The following NLRP9 variants were observed in gnomAD, a reference collection of about 807,000 sequenced individuals.
The protein encoded by NLRP9 is NACHT, LRR and PYD domains-containing protein 9.
Under a neutral mutation model 83.1 loss-of-function variants are expected in NLRP9, and 88 were observed. The ratio of observed to expected loss-of-function variants is 1.06; its 90% CI spans 0.89 to 1.26. The LOEUF is 1.26. Ranked by LOEUF, NLRP9 falls within the 50% of genes most tolerant of loss-of-function variation. NLRP9 has a pLI of 0.00. For missense variants in NLRP9, 1,308 were observed against 1,179.3 expected (o/e 1.11, Z -1.60); for synonymous variants, 521 against 447.6 (o/e 1.16, Z -2.07).
At chr19:55,718,645 AC>A (rs766645616) in intron 4 of NLRP9, among the ~76,000 whole-genome samples, 14 of 152,048 alleles carry the variant, frequency 9.2e-5, no homozygotes, top group East Asian at 1.9e-4. Flanking sequence ...TTCTCTGCTG[AC>A]CCTCTCCCCA....
At chr19:55,712,843 G>A (rs865919812) in intron 6 of NLRP9, among the ~76,000 whole-genome samples, 2 of 4,240 alleles carry the variant, frequency 4.7e-4, no homozygotes, top group Non-Finnish European at 4.4e-4. Context: ...GAAGAGGGGA[G>A]GAAGAGGAGT....
At chr19:55,711,022 G>A (rs745980891) in intron 8 of NLRP9, among the ~76,000 whole-genome samples, 91 of 151,378 alleles carry the variant, frequency 6.0e-4, no homozygotes, top group Non-Finnish European at 1.2e-3. Flanking sequence ...GGAGGCAGGG[G>A]TTGAAGTGAG....
intron 3 of NLRP9, among the ~76,000 whole-genome samples, chr19:55,726,136 C>T (rs1203257341): frequency 2.6e-5 from 4 of 152,130 alleles, no homozygotes; most frequent in African/African-American, 9.7e-5. Flanking sequence ...AGCCACCACA[C>T]CACATTCATG....
intron 3 of NLRP9, among the ~76,000 whole-genome samples, chr19:55,729,519 AATG>A (rs556604326): frequency 4.0e-4 from 61 of 152,160 alleles, no homozygotes; most frequent in Middle Eastern, 6.8e-3. Context: ...GTTTGCTGAG[AATG>A]ATGGTTTCCA....
intron 8 of NLRP9, among the ~76,000 whole-genome samples, chr19:55,710,658 C>T (rs562599090): frequency 1.3e-5 from 2 of 152,242 alleles, no homozygotes; most frequent in South Asian, 4.2e-4. Flanking sequence ...CTCCCGCCAC[C>T]AAAGACGTGC....
chr19:55,711,881 T>A lies in NLRP9; in HGVS notation c.2762A>T (p.Asp921Val), dbSNP rs773906832. ...TGCATCAGCATCCAAGGCAATCCAG[T>A]CGAGGTTCAGGCTCCTCAGTGTTTT... ...ACKTLRSLNL[D>V]WIALDADAVV... The change falls in exon 8 of 9, where the codon GAC becomes GTC. Residue 921 changes from aspartate to valine, a missense_variant. By Grantham distance (152) the Asp-to-Val change is radical. Coordinates refer to ENST00000332836, the MANE Select transcript of NLRP9 (RefSeq NM_176820.4). 3 of 1,613,350 alleles carry A rather than the reference T, an allele frequency of 1.9e-6. No homozygotes were observed. In the Admixed American group the frequency reaches 5.0e-5, roughly 27 times the overall value.
At position 55,733,200 on chromosome 19, in the gene NLRP9, C is replaced by G. The variant is rs150929335; in HGVS notation, c.631G>C (p.Glu211Gln). 5 of 1,613,454 alleles carry G rather than the reference C, an allele frequency of 3.1e-6. No individual in the cohort carries two copies. The African/African-American group carries it at 6.7e-5, about 22-fold the overall frequency. ...LLSRDWPESS[E>Q]KIEDIFSQPE... ...TGGGAAAAAATGTCTTCGATCTTCT[C>G]TGAAGACTCCGGCCAGTCCCTAGAG... The change falls in exon 2 of 9, where the codon GAG (glutamate) becomes CAG (glutamine). Residue 211 changes from glutamate to glutamine, a missense_variant. Physicochemically the swap from Glu to Gln is conservative, Grantham distance 29. Transcript: ENST00000332836.
intron 4 of NLRP9, among the ~76,000 whole-genome samples, chr19:55,723,659 C>G (rs1193979113): frequency 2.1e-5 from 3 of 145,136 alleles, no homozygotes; most frequent in Non-Finnish European, 4.5e-5. Flanking sequence ...ACCCGGGAAG[C>G]TGAGGTTGCA....
At position 55,711,863 on chromosome 19, in the gene NLRP9, G is replaced by A. The variant is rs2122277554; in HGVS notation, c.2780C>T (p.Ala927Val). 4.3e-6 allele frequency: 7 copies of A among 1,613,340 alleles called. No homozygotes were observed. The highest frequency in any genetic ancestry group is 5.9e-6 in the Non-Finnish European group (7 of 1,179,916). ...CTCACACAGCACCACCACTGCATCA[G>A]CATCCAAGGCAATCCAGTCGAGGTT... ...SLNLDWIALD[A>V]DAVVVLCEAL... Residue 927 changes from alanine (A) to valine (V), a missense_variant, in exon 8 of 9, where the codon GCT becomes GTT. Coordinates refer to ENST00000332836, the MANE Select transcript of NLRP9 (RefSeq NM_176820.4).
chr19:55,719,143 C>T (rs1401413807), intron 4 of NLRP9, among the ~76,000 whole-genome samples: 1 of 152,204 alleles, frequency 6.6e-6, no homozygotes, highest in African/African-American at 2.4e-5. Context: ...GGGGGTTCCC[C>T]TGACCCCTTC....
chr19:55,708,669 C>T lies in NLRP9; in HGVS notation c.*243G>A, dbSNP rs1987548756. On this transcript the variant is annotated 3_prime_UTR_variant, in exon 9 of 9. Coordinates refer to ENST00000332836, the MANE Select transcript of NLRP9 (RefSeq NM_176820.4). The stretch of plus-strand genomic sequence containing the variant: ...TTAGCACTTGTTTAACGTACTTGTG[C>T]TTCTAAATATCACAAGGCAGGATGG... 8.7e-6 allele frequency: 3 copies of T among 345,024 alleles called. No homozygotes were observed. Among genetic ancestry groups the T allele is most frequent in the Admixed American group, 4.8e-5 (1 of 20,960 alleles). 21.4% of individuals were successfully genotyped at this position (345,024 alleles called of 1,614,324 possible).
intron 1 of NLRP9, 68 bp downstream of exon 1, chr19:55,738,027 T>C (rs1988830753): frequency 6.8e-7 from 1 of 1,473,556 alleles, no homozygotes; most frequent in South Asian, 1.2e-5. Flanking sequence ...TGGCCACTCA[T>C]TTAACAATGC....
At chr19:55,731,364 A>G (rs1460045856) in intron 2 of NLRP9, among the ~76,000 whole-genome samples, 1 of 144,568 alleles carries the variant, frequency 6.9e-6, no homozygotes, top group Non-Finnish European at 1.5e-5. Flanking sequence ...AAAAATGGTG[A>G]AAAAAAAAAA....
intron 8 of NLRP9, among the ~76,000 whole-genome samples, chr19:55,710,950 G>T (rs1052913185): frequency 6.6e-6 from 1 of 152,054 alleles, no homozygotes; most frequent in African/African-American, 2.4e-5. Flanking sequence ...GCTGAGCATG[G>T]TGGTGAGTGC....
chr19:55,712,418 AC>A lies in NLRP9; in HGVS notation c.2672+1del. Reference sequence around the variant, plus strand: ...CTACGATGGTGATCAGTAGATACTCACCCGAGACACTCTAATTTACAGTGAG... The same window carrying A: ...CTACGATGGTGATCAGTAGATACTCACCGAGACACTCTAATTTACAGTGAG... On this transcript the variant is annotated splice_donor_variant, in intron 7 of 8. Transcript: ENST00000332836. LOFTEE classifies it high-confidence loss of function. 6.2e-7 allele frequency: 1 copy of A among 1,611,046 alleles called. No homozygotes were observed. Among genetic ancestry groups the A allele is most frequent in the Non-Finnish European group, 8.5e-7 (1 of 1,178,570 alleles).
intron 3 of NLRP9, among the ~76,000 whole-genome samples, chr19:55,724,947 C>T (rs908294901): frequency 2.6e-5 from 4 of 151,950 alleles, no homozygotes; most frequent in African/African-American, 9.7e-5. Context: ...TAATCCCAGG[C>T]ACTCAAGAGG....
At position 55,712,013 on chromosome 19, in the gene NLRP9, GT is replaced by G. The variant is rs764820067; in HGVS notation, c.2673-44del. ...ACCAGAGAATCCACTCTAGCTTTGGGTAGGCTGGAAGGCACGCCATTGTTAC... is the reference window on the plus strand; with the variant it reads ...ACCAGAGAATCCACTCTAGCTTTGGGAGGCTGGAAGGCACGCCATTGTTAC... On this transcript the variant is annotated intron_variant, in intron 7 of 8. Transcript: ENST00000332836. 38 of 1,593,374 alleles carry G rather than the reference GT, an allele frequency of 2.4e-5. 1 individual carries two copies. The South Asian group carries it at 3.7e-4, about 15-fold the overall frequency.
chr19:55,736,013 G>C (rs1988776012), intron 1 of NLRP9, among the ~76,000 whole-genome samples: 1 of 151,902 alleles, frequency 6.6e-6, no homozygotes, highest in African/African-American at 2.4e-5. Context: ...TAATTGAATG[G>C]ATTTATCATT....
At position 55,732,581 on chromosome 19, in the gene NLRP9, C is replaced by T. The variant is rs563256174; in HGVS notation, c.1250G>A (p.Arg417Lys). ...TFVFSHGDLR[R>K]NGLSESEGVM... is the part of the protein sequence containing the mutation. ...GCCCTCAGACTCAGATAACCCATTC[C>T]TCCGGAGATCCCCATGGGAAAATAC... The change falls in exon 2 of 9, where the codon AGG (arginine) becomes AAG (lysine). Residue 417 changes from arginine to lysine, a missense_variant. Transcript: ENST00000332836. The T allele has an allele frequency of 8.1e-6, 13 of 1,614,214 alleles. No homozygotes were observed. In the South Asian group the frequency reaches 1.4e-4, roughly 18 times the overall value.
Sources: allele counts gnomAD v4.1 joint callset (sites outside exome capture counted in the v4.1 genomes callset), GRCh38; gene constraint gnomAD v4.1.1; transcripts MANE v1.5; gene names NCBI Gene and HGNC (gene_info 2026-07-23, HGNC 2026-07-21).